Variants in TUBGCP3 observed in about 807,000 individuals in gnomAD.
TUBGCP3 encodes the protein tubulin gamma complex component 3.
In TUBGCP3, 50 loss-of-function variants were observed where a neutral mutation model predicts 123.1. The observed-to-expected ratio is 0.41, with a 90% CI of 0.32 to 0.51. TUBGCP3 has a LOEUF of 0.51. TUBGCP3 is among the 20% of genes least tolerant of loss of function. The pLI is 0.36. For missense variants in TUBGCP3, 882 were observed against 1,127.0 expected, an observed-to-expected ratio of 0.78 and a Z score of 3.11; for synonymous variants, 405 against 413.9, an observed-to-expected ratio of 0.98 and a Z score of 0.26.
intron 16 of TUBGCP3, 59 bp from the exon 17 acceptor site, chr13:112,516,634 AG>A (rs1230375437): frequency 4.6e-5 from 70 of 1,529,602 alleles, no homozygotes; most frequent in Non-Finnish European, 5.9e-5. Flanking sequence ...CTCTCAGTAC[AG>A]GTCTCAATCT....
At chr13:112,540,791 T>C (rs936244342) in intron 11 of TUBGCP3, among the ~76,000 whole-genome samples, 14 of 152,232 alleles carry the variant, frequency 9.2e-5, no homozygotes, top group Admixed American at 2.6e-4. Context: ...CTTTTCTAAG[T>C]CTAAAATTAA....
At chr13:112,584,305 T>G (rs1302231238) in intron 1 of TUBGCP3, 1 of 152,244 alleles carries the variant, frequency 6.6e-6, no homozygotes, top group East Asian at 1.9e-4. Flanking sequence ...ATTAGAAATT[T>G]AAGCCAAAAC....
intron 11 of TUBGCP3, among the ~76,000 whole-genome samples, chr13:112,541,263 C>T (rs1223780148): frequency 6.6e-6 from 1 of 152,130 alleles, no homozygotes; most frequent in Non-Finnish European, 1.5e-5. Flanking sequence ...GACAAATGGC[C>T]AGGCGTGGTG....
chr13:112,577,188 T>C (rs1881890663), intron 1 of TUBGCP3, among the ~76,000 whole-genome samples: 2 of 152,160 alleles, frequency 1.3e-5, no homozygotes, highest in African/African-American at 4.8e-5. Flanking sequence ...AAGTGTGGGC[T>C]GGGCACACTT....
In TUBGCP3 at chr13:112,522,332, A is replaced by G. The variant is rs1232397022; in HGVS notation, c.1733T>C (p.Met578Thr). ...LGQGDFIRHLMDLLKPELVRP... is the reference protein window; with the variant it reads ...LGQGDFIRHLTDLLKPELVRP... ...AATAGTGCCTTACTTTAGCAAGTCC[A>G]TTAAGTGCCTTATAAAGTCTCCTTG... The change falls in exon 14 of 22, where the codon ATG becomes ACG. Residue 578 changes from methionine to threonine, a missense_variant. Met to Thr is a moderately conservative substitution (Grantham distance 81, BLOSUM62 -1). Transcript: ENST00000261965. The G allele has an allele frequency of 1.3e-6, 2 of 1,595,986 alleles. No individual in the cohort carries two copies. Among genetic ancestry groups the G allele is most frequent in the Non-Finnish European group, 1.7e-6 (2 of 1,166,204 alleles).
chr13:112,533,588 A>C (rs1877772876), intron 11 of TUBGCP3, among the ~76,000 whole-genome samples: 2 of 151,966 alleles, frequency 1.3e-5, no homozygotes, highest in African/African-American at 4.8e-5. Flanking sequence ...GTGACTAACA[A>C]ACCACAGCAC....
chr13:112,533,365 A>G (rs576451243), intron 11 of TUBGCP3, among the ~76,000 whole-genome samples: 3 of 152,342 alleles, frequency 2.0e-5, no homozygotes, highest in African/African-American at 7.2e-5. Flanking sequence ...CGCCATGCCC[A>G]GCCCATGCAT....
intron 1 of TUBGCP3, among the ~76,000 whole-genome samples, chr13:112,586,556 A>C (rs543741738): frequency 6.6e-6 from 1 of 152,304 alleles, no homozygotes; most frequent in East Asian, 1.9e-4. Context: ...TCTACTCAGA[A>C]CCTTCCCCAG....
chr13:112,554,317 C>T, intron 7 of TUBGCP3, 135 bp from the exon 8 acceptor site: 1 of 1,091,246 alleles, frequency 9.2e-7, no homozygotes, highest in South Asian at 1.7e-5. Flanking sequence ...ACTAAGATCC[C>T]ATCACTAAAG....
chr13:112,597,157 G>A, the TUBGCP3 span, among the ~76,000 whole-genome samples: 2 of 152,194 alleles, frequency 1.3e-5, no homozygotes, highest in African/African-American at 4.8e-5. Context: ...GGAAGAGAGT[G>A]GTGGCTGGTC....
rs750129186 is a variant in TUBGCP3 at position 112,545,914 on chromosome 13, T to C, written c.1169-49A>G. On this transcript the variant is annotated intron_variant, in intron 10 of 21. Transcript: ENST00000261965. This position sits in a 1 kb window ranked among gnomAD's most constrained non-coding sequence, Gnocchi z 4.1. ...ACAAAAACATCCACATTTACACTCA[T>C]AGTACACACCAGTCACTTCTCACCA... The C allele has an allele frequency of 2.0e-5, 31 of 1,589,302 alleles. No individual in the cohort carries two copies. Among genetic ancestry groups the C allele is most frequent in the Non-Finnish European group, 2.3e-5 (27 of 1,160,490 alleles).
chr13:112,562,694 C>T (rs1427996249), intron 3 of TUBGCP3, among the ~76,000 whole-genome samples: 1 of 152,202 alleles, frequency 6.6e-6, no homozygotes, highest in East Asian at 1.9e-4. Context: ...AGTACAGATG[C>T]TTTTAACCAC....
At chr13:112,558,467 C>T in intron 4 of TUBGCP3, 54 bp from the exon 5 acceptor site, 13 of 1,421,880 alleles carry the variant, frequency 9.1e-6, no homozygotes, top group Non-Finnish European at 1.2e-5. Flanking sequence ...AACAGTCTTC[C>T]CAAACCTAAA....
At chr13:112,534,915 C>G (rs372021689) in intron 11 of TUBGCP3, among the ~76,000 whole-genome samples, 1 of 152,180 alleles carries the variant, frequency 6.6e-6, no homozygotes, top group Non-Finnish European at 1.5e-5. Flanking sequence ...AGAGAAACTC[C>G]GTACCCATTA....
chr13:112,488,937 T>C (rs111173905), intron 21 of TUBGCP3, among the ~76,000 whole-genome samples: 175 of 37,520 alleles, frequency 4.7e-3, no homozygotes, highest in Admixed American at 8.9e-3. Context: ...AGCACAGGGG[T>C]CACCCCCAGG....
intron 1 of TUBGCP3, among the ~76,000 whole-genome samples, chr13:112,573,100 GA>G (rs1176536622): frequency 6.6e-6 from 1 of 151,202 alleles, no homozygotes. Context: ...ACACAAGAAG[GA>G]AAAAAGGAAA....
chr13:112,554,763 A>G (rs576275873), intron 7 of TUBGCP3, 124 bp downstream of exon 7: 16 of 652,860 alleles, frequency 2.5e-5, no homozygotes, highest in Non-Finnish European at 3.9e-5. Flanking sequence ...TCCACAGTGC[A>G]ATTTCACCTC....
At chr13:112,572,142 C>T (rs1881447384) in intron 1 of TUBGCP3, among the ~76,000 whole-genome samples, 1 of 152,194 alleles carries the variant, frequency 6.6e-6, no homozygotes, top group African/African-American at 2.4e-5. Flanking sequence ...CATAAGAGGC[C>T]TAGCTTCTCG....
At chr13:112,541,541 C>CA (rs57599177) in intron 11 of TUBGCP3, among the ~76,000 whole-genome samples, 17,009 of 102,596 alleles carry the variant, frequency 0.17, 1,736 homozygotes, top group African/African-American at 0.3. Flanking sequence ...GACTCCGTCT[C>CA]AAAAAAAAAA....
Sources: gnomAD v4.1 joint callset for allele counts (sites outside exome capture counted in the v4.1 genomes callset) on GRCh38, gnomAD v4.1.1 for gene constraint, Gnocchi (gnomAD v3.1) non-coding constraint, MANE v1.5 for transcripts, NCBI Gene and HGNC (gene_info 2026-07-23, HGNC 2026-07-21) for gene names.